The following TENM4 variants were observed in gnomAD, a reference collection of about 807,000 sequenced individuals.
The protein encoded by TENM4 is teneurin transmembrane protein 4, also known as teneurin-4.
TENM4 carries 82 observed loss-of-function variants against 243.3 expected under a neutral mutation model. The observed-to-expected ratio is 0.34, with a 90% confidence interval of 0.28 to 0.40. The LOEUF (loss-of-function observed/expected upper bound fraction) is 0.40, where lower values mean the gene tolerates loss of function less well. Ranked by LOEUF, TENM4 falls within the 10% of genes least tolerant of loss-of-function variation. TENM4 has a pLI of 1.00. For missense variants in TENM4, 3,138 were observed against 3,673.3 expected, an observed-to-expected ratio of 0.85 and a Z score of 3.77; for synonymous variants, 1,412 against 1,456.3, an observed-to-expected ratio of 0.97 and a Z score of 0.69.
chr11:79,179,623 G>A (rs1565237926), intron 3 of TENM4, among the ~76,000 whole-genome samples: 1 of 148,498 alleles, frequency 6.7e-6, no homozygotes, highest in African/African-American at 2.4e-5. Flanking sequence ...TATATGGATT[G>A]AGAATGAGTC....
intron 15 of TENM4, among the ~76,000 whole-genome samples, chr11:78,797,916 A>C (rs1591031003): frequency 1.3e-5 from 2 of 152,126 alleles, no homozygotes; most frequent in East Asian, 3.8e-4. Flanking sequence ...GCCTAACTTG[A>C]TTGTTTCCTT....
chr11:78,978,945 C>T (rs1282090911), intron 6 of TENM4, among the ~76,000 whole-genome samples: 1 of 152,112 alleles, frequency 6.6e-6, no homozygotes, highest in African/African-American at 2.4e-5. Context: ...TGAGAAGCAG[C>T]ATTCCTGTGA....
At chr11:79,187,298 AAC>A (rs1863397338) in intron 3 of TENM4, among the ~76,000 whole-genome samples, 1 of 152,194 alleles carries the variant, frequency 6.6e-6, no homozygotes, top group African/African-American at 2.4e-5. Context: ...ACATAAATAA[AAC>A]ACAGTTTCTT....
chr11:79,328,403 CAG>C (rs1857008430), intron 1 of TENM4, among the ~76,000 whole-genome samples: 1 of 152,186 alleles, frequency 6.6e-6, no homozygotes, highest in South Asian at 2.1e-4. Flanking sequence ...TCAGAAGCCT[CAG>C]AAAATCACAG....
At chr11:79,376,698 T>C (rs1857898878) in intron 1 of TENM4, among the ~76,000 whole-genome samples, 1 of 152,190 alleles carries the variant, frequency 6.6e-6, no homozygotes, top group Non-Finnish European at 1.5e-5. Context: ...CTGGGCAATG[T>C]GTATGTCCCT....
intron 1 of TENM4, among the ~76,000 whole-genome samples, chr11:79,330,364 C>T (rs1023085301): frequency 2.6e-5 from 4 of 152,156 alleles, no homozygotes; most frequent in African/African-American, 7.2e-5. Flanking sequence ...CTTCCTGAAT[C>T]GCTGGCCTCT....
chr11:79,262,262 G>A (rs1488947577), intron 2 of TENM4, among the ~76,000 whole-genome samples: 2 of 152,174 alleles, frequency 1.3e-5, no homozygotes, highest in Non-Finnish European at 2.9e-5. Flanking sequence ...GGCATGGAAA[G>A]GCTGAGAGGT....
At chr11:79,295,516 C>T (rs57857492) in intron 2 of TENM4, among the ~76,000 whole-genome samples, 5,125 of 152,226 alleles carry the variant, frequency 0.034, 285 homozygotes, top group African/African-American at 0.12. Context: ...AGTGTCCTGC[C>T]GCAACAACTC....
chr11:78,746,108 C>T (rs377331883), intron 19 of TENM4, among the ~76,000 whole-genome samples: 70 of 152,270 alleles, frequency 4.6e-4, no homozygotes, highest in Non-Finnish European at 8.7e-4. Context: ...TCCATAGTCT[C>T]CTTCAGATTG....
intron 6 of TENM4, among the ~76,000 whole-genome samples, chr11:78,973,988 A>G (rs1857599179): frequency 6.6e-6 from 1 of 152,056 alleles, no homozygotes; most frequent in Admixed American, 6.5e-5. Context: ...GACCAAGTTC[A>G]TCTAAGGGAC....
rs577904831 is a variant in TENM4, at chr11:79,155,450, T to C, written c.-162-6644A>G. 1.4e-4 allele frequency among the ~76,000 whole-genome samples: 21 copies of C among 151,730 alleles called. No homozygotes were observed. The East Asian group carries it at 4.1e-3, about 29-fold the overall frequency. ...AGAACAACAGACAGGTTAATATGGGTTTTTAAGAATGCCATTTCCTCATAT... is the reference window on the plus strand; with the variant it reads ...AGAACAACAGACAGGTTAATATGGGCTTTTAAGAATGCCATTTCCTCATAT... On this transcript the variant is annotated intron_variant, in intron 3 of 33. Transcript: ENST00000278550.
At chr11:78,722,445 C>T (rs774397924) in intron 24 of TENM4, among the ~76,000 whole-genome samples, 1 of 152,172 alleles carries the variant, frequency 6.6e-6, no homozygotes, top group Non-Finnish European at 1.5e-5. Flanking sequence ...CACAGATGTA[C>T]TCTGGATGCC....
At chr11:78,904,915 T>C (rs879943731) in intron 6 of TENM4, among the ~76,000 whole-genome samples, 1 of 152,196 alleles carries the variant, frequency 6.6e-6, no homozygotes, top group Non-Finnish European at 1.5e-5. Flanking sequence ...ACAGAAAGCC[T>C]AGTCTTTCAA....
intron 6 of TENM4, among the ~76,000 whole-genome samples, chr11:79,061,670 C>T (rs189188496): frequency 5.1e-4 from 78 of 152,246 alleles, no homozygotes; most frequent in Non-Finnish European, 9.6e-4. Flanking sequence ...TCATTTGTCA[C>T]CATGGCAAGA....
intron 1 of TENM4, among the ~76,000 whole-genome samples, chr11:79,326,756 C>T (rs1165209225): frequency 6.6e-6 from 1 of 152,170 alleles, no homozygotes; most frequent in African/African-American, 2.4e-5. Flanking sequence ...GTCCCGTTCC[C>T]TAGAGCTTTT....
intron 2 of TENM4, among the ~76,000 whole-genome samples, chr11:79,288,979 C>G (rs927265474): frequency 1.3e-5 from 2 of 151,978 alleles, no homozygotes; most frequent in African/African-American, 4.8e-5. Flanking sequence ...TGGTGAGAGG[C>G]CATCATAAGG....
intron 6 of TENM4, among the ~76,000 whole-genome samples, chr11:78,927,943 A>G (rs1251440551): frequency 1.3e-5 from 2 of 152,058 alleles, no homozygotes; most frequent in Non-Finnish European, 2.9e-5. Context: ...CGACAGCCCA[A>G]GGGTATGTTG....
intron 2 of TENM4, among the ~76,000 whole-genome samples, chr11:79,246,782 C>T (rs909212462): frequency 2.6e-5 from 4 of 151,966 alleles, no homozygotes; most frequent in South Asian, 2.1e-4. Flanking sequence ...AGGTTCTCCA[C>T]GACATGAGTG....
intron 2 of TENM4, among the ~76,000 whole-genome samples, chr11:79,289,123 G>A (rs972864775): frequency 1.3e-5 from 2 of 152,210 alleles, no homozygotes; most frequent in African/African-American, 2.4e-5. Context: ...TTTCCTACAC[G>A]TGTAGAGGGC....
Sources: allele counts gnomAD v4.1 joint callset (sites outside exome capture counted in the v4.1 genomes callset), GRCh38; gene constraint gnomAD v4.1.1; transcripts MANE v1.5; gene names NCBI Gene and HGNC (gene_info 2026-07-23, HGNC 2026-07-21).